The following ZNF777 variants were observed in gnomAD, a reference collection of about 807,000 sequenced individuals.
The protein encoded by ZNF777 is zinc finger protein 777.
ZNF777 carries 7 observed loss-of-function variants against 72.1 expected under a neutral mutation model. The observed-to-expected ratio is 0.10, with a 90% CI of 0.06 to 0.18. The LOEUF (loss-of-function observed/expected upper bound fraction) is 0.18. ZNF777 is among the 10% of genes least tolerant of loss of function. The probability of loss-of-function intolerance (pLI) is 1.00; values close to 1 mark genes in which losing one functional copy is unlikely to be tolerated. For missense variants in ZNF777, 828 were observed against 1,128.6 expected (o/e 0.73, Z 3.82); for synonymous variants, 545 against 483.5 (o/e 1.13, Z -1.67).
At chr7:149,439,701 C>A (rs1408171249) in intron 4 of ZNF777, among the ~76,000 whole-genome samples, 4 of 152,150 alleles carry the variant, frequency 2.6e-5, no homozygotes, top group Non-Finnish European at 4.4e-5. Context: ...TGCCACTCTG[C>A]CACAAAAATG....
At chr7:149,440,885 T>C (rs1244492513) in intron 4 of ZNF777, among the ~76,000 whole-genome samples, 1 of 151,916 alleles carries the variant, frequency 6.6e-6, no homozygotes, top group East Asian at 1.9e-4. Context: ...TGAAGACGAG[T>C]GCCTTCAATA....
intron 4 of ZNF777, among the ~76,000 whole-genome samples, chr7:149,446,405 G>A (rs754187919): frequency 1.3e-5 from 2 of 152,036 alleles, no homozygotes; most frequent in Non-Finnish European, 2.9e-5. Flanking sequence ...TGGGAAGGTG[G>A]GAATAAATAC....
Position 149,451,135 on chromosome 7 carries a change from A to C in ZNF777, c.974-23T>G, listed in dbSNP as rs762049577. The C allele has an allele frequency of 6.9e-6, 11 of 1,603,056 alleles. No individual in the cohort carries two copies. The South Asian group carries it at 9.9e-5, about 14-fold the overall frequency. On this transcript the variant is annotated intron_variant, in intron 3 of 5. Transcript: ENST00000247930. ...AGTCTAGGCAGAAGAAAGGGAAAAAAATATGCTCTGGGATGAGGTTGCACT... is the reference window on the plus strand; with the variant it reads ...AGTCTAGGCAGAAGAAAGGGAAAAACATATGCTCTGGGATGAGGTTGCACT...
intron 3 of ZNF777, among the ~76,000 whole-genome samples, 168 bp from the exon 4 acceptor site, chr7:149,451,280 G>A (rs1037049407): frequency 6.6e-6 from 1 of 152,090 alleles, no homozygotes; most frequent in Non-Finnish European, 1.5e-5. Context: ...TGTGGGTGTG[G>A]GGGTGTGGGT....
In ZNF777 at chr7:149,432,407, T is replaced by C. The variant is rs974351326; in HGVS notation, c.1865A>G (p.Lys622Arg). ...GCCGCCGCTACCAGAGCTGGGTGAC[T>C]TGGGACGCGGCTTGAGCGCGTGCTT... ...NPKHALKPRP[K>R]SPSSGSGGGG... The change falls in exon 6 of 6, where the codon AAG becomes AGG. Residue 622 changes from lysine (K) to arginine (R), a missense_variant. By Grantham distance (26) the Lys-to-Arg change is conservative (BLOSUM62 2). This residue lies in a region of ZNF777 where 100 missense variants were observed against 106.2 expected (regional missense o/e 0.94). Transcript: ENST00000247930. The C allele has an allele frequency of 3.7e-6, 6 of 1,613,536 alleles. No homozygotes were observed. Among genetic ancestry groups the C allele is most frequent in the Non-Finnish European group, 5.1e-6 (6 of 1,179,944 alleles).
chr7:149,460,538 G>A lies in ZNF777; in HGVS notation c.-16+277C>T, dbSNP rs1485076079. Among the ~76,000 whole-genome samples the A allele has an allele frequency of 6.6e-6, 1 of 151,612 alleles. No homozygotes were observed. Among genetic ancestry groups the A allele is most frequent in the African/African-American group, 2.4e-5 (1 of 41,384 alleles). On this transcript the variant is annotated intron_variant, in intron 1 of 5. Coordinates refer to ENST00000247930, the MANE Select transcript of ZNF777 (RefSeq NM_015694.3). The surrounding 1 kb of genome is among the most constrained non-coding windows in gnomAD (Gnocchi z 6.1). ...GGCTGCGAGCTGCGCTGCCGTCCCG[G>A]CGCCTCTTTAGCAGGGGAGCTGCAC...
intron 4 of ZNF777, among the ~76,000 whole-genome samples, chr7:149,448,662 C>T (rs1037711896): frequency 4.1e-5 from 6 of 147,276 alleles, no homozygotes; most frequent in Non-Finnish European, 5.9e-5. Context: ...ATTGCTTTCT[C>T]GAGAGACTGA....
chr7:149,453,904 G>A (rs888233971), intron 3 of ZNF777, among the ~76,000 whole-genome samples: 2 of 152,204 alleles, frequency 1.3e-5, no homozygotes, highest in Admixed American at 1.3e-4. Flanking sequence ...TGAGAGTGGG[G>A]TCTCAATTTA....
chr7:149,453,275 CAATT>C (rs1264216640), intron 3 of ZNF777, among the ~76,000 whole-genome samples: 2 of 150,922 alleles, frequency 1.3e-5, no homozygotes, highest in Non-Finnish European at 3.0e-5. Flanking sequence ...TTAAAAAACA[CAATT>C]AAAAAAAGAA....
chr7:149,457,665 A>G (rs1157186651), intron 1 of ZNF777, among the ~76,000 whole-genome samples: 4 of 152,206 alleles, frequency 2.6e-5, no homozygotes, highest in Non-Finnish European at 5.9e-5. Context: ...TCAAGATCCT[A>G]TTCACAAAAG....
At chr7:149,448,916 G>A (rs919350195) in intron 4 of ZNF777, among the ~76,000 whole-genome samples, 6 of 152,080 alleles carry the variant, frequency 3.9e-5, no homozygotes, top group Admixed American at 3.9e-4. Context: ...ATAGTTTATT[G>A]AATGAATTTA....
chr7:149,453,627 C>T (rs1231363298), intron 3 of ZNF777, among the ~76,000 whole-genome samples: 2 of 152,196 alleles, frequency 1.3e-5, no homozygotes, highest in African/African-American at 4.8e-5. Context: ...CCTGAATCAT[C>T]GAACAGGAGT....
At chr7:149,435,443 T>G (rs1646627335) in intron 5 of ZNF777, among the ~76,000 whole-genome samples, 1 of 152,122 alleles carries the variant, frequency 6.6e-6, no homozygotes, top group African/African-American at 2.4e-5. Context: ...AGTGCTGGGA[T>G]TACAGGTGTG....
rs1465296968 is a variant in ZNF777, at chr7:149,432,273, G to A, written c.1999C>T (p.Pro667Ser). ...THTGERPYTC[P>S]ECKKSFRLHI... Reference sequence around the variant, plus strand: ...AGGCGGAAGCTCTTCTTGCACTCGGGGCACGTGTAGGGCCGCTCACCCGTG... The same window carrying A: ...AGGCGGAAGCTCTTCTTGCACTCGGAGCACGTGTAGGGCCGCTCACCCGTG... Residue 667 changes from proline to serine, a missense_variant, in exon 6 of 6, where the codon CCC (proline) becomes TCC (serine). Physicochemically the swap from Pro to Ser is moderately conservative, Grantham distance 74. This residue lies in a region of ZNF777 where 26 missense variants were observed against 62.1 expected (regional missense o/e 0.42). Coordinates refer to ENST00000247930, the MANE Select transcript of ZNF777 (RefSeq NM_015694.3). 1.2e-6 allele frequency: 2 copies of A among 1,601,552 alleles called. No individual in the cohort carries two copies. The highest frequency in any genetic ancestry group is 8.5e-7 in the Non-Finnish European group (1 of 1,177,100).
intron 4 of ZNF777, among the ~76,000 whole-genome samples, chr7:149,441,522 T>G (rs2116580651): frequency 6.6e-6 from 1 of 152,378 alleles, no homozygotes; most frequent in African/African-American, 2.4e-5. Context: ...CCAACTCTTA[T>G]CAACTATAAA....
intron 4 of ZNF777, among the ~76,000 whole-genome samples, chr7:149,450,562 T>C (rs1302779424): frequency 1.3e-5 from 2 of 152,154 alleles, no homozygotes; most frequent in Non-Finnish European, 2.9e-5. Flanking sequence ...TCCACCTACA[T>C]GCTGTCCTGC....
Position 149,431,679 on chromosome 7 carries a change from G to GGGCGCCCCGCCCCCGCCCGCTGGGC in ZNF777, c.*72_*96dup, listed in dbSNP as rs1799308147. On this transcript the variant is annotated 3_prime_UTR_variant, in exon 6 of 6. Coordinates refer to ENST00000247930, the MANE Select transcript of ZNF777 (RefSeq NM_015694.3). ...GGGAGCTCACGGCAAAGGGGCTGGG[G>GGGCGCCCCGCCCCCGCCCGCTGGGC]GGCGCCCCGCCCCCGCCCGCTGGGC... 8.9e-7 allele frequency: 1 copy of GGGCGCCCCGCCCCCGCCCGCTGGGC among 1,128,854 alleles called. No homozygotes were observed. The highest frequency in any genetic ancestry group is 1.1e-6 in the Non-Finnish European group (1 of 905,308). The allele number at this position is 1,128,854 out of a possible 1,614,324, so 69.9% of individuals were successfully genotyped here.
At chr7:149,440,704 G>C (rs1799500666) in intron 4 of ZNF777, among the ~76,000 whole-genome samples, 1 of 143,402 alleles carries the variant, frequency 7.0e-6, no homozygotes, top group African/African-American at 2.6e-5. Flanking sequence ...AATAATGGGA[G>C]ATGTAGATGA....
In ZNF777 at chr7:149,432,319, C is replaced by T. The variant is rs375709845; in HGVS notation, c.1953G>A (p.Leu651=). 3 of 1,609,426 alleles carry T rather than the reference C, an allele frequency of 1.9e-6. No individual in the cohort carries two copies. The highest frequency in any genetic ancestry group is 2.5e-6 in the Non-Finnish European group (3 of 1,178,852). The change falls in exon 6 of 6, where the codon CTG becomes CTA. Residue 651 remains leucine, a synonymous_variant. Coordinates refer to ENST00000247930, the MANE Select transcript of ZNF777 (RefSeq NM_015694.3). ...CDSSFSHKSS[L]TKHQITHTGE... ...CCGTGTGCGTGATCTGGTGTTTGGTCAGGCTGGACTTGTGGCTGAAGCTGC... is the reference window on the plus strand; with the variant it reads ...CCGTGTGCGTGATCTGGTGTTTGGTTAGGCTGGACTTGTGGCTGAAGCTGC...
Sources: allele counts gnomAD v4.1 joint callset (sites outside exome capture counted in the v4.1 genomes callset), GRCh38; gene constraint gnomAD v4.1.1; regional missense constraint gnomAD v4.1.1; non-coding constraint Gnocchi (gnomAD v3.1); transcripts MANE v1.5; gene names NCBI Gene and HGNC (gene_info 2026-07-23, HGNC 2026-07-21).